Variants in CADM2 observed in about 807,000 individuals in gnomAD.
CADM2 encodes the protein cell adhesion molecule 2, also known as immunoglobulin superfamily member 4D.
Under a neutral mutation model 49.8 loss-of-function variants are expected in CADM2, and 12 were observed. The ratio of observed to expected loss-of-function variants is 0.24; its 90% CI spans 0.15 to 0.39. The LOEUF is 0.39. CADM2 is among the 10% of genes least tolerant of loss of function. CADM2 has a pLI of 1.00. For synonymous variants in CADM2, 214 were observed against 175.4 expected, an observed-to-expected ratio of 1.22 and a Z score of -1.74; for missense variants, 378 against 492.3, an observed-to-expected ratio of 0.77 and a Z score of 2.20.
chr3:85,645,531 G>C (rs1309164922), intron 1 of CADM2, among the ~76,000 whole-genome samples: 1 of 151,890 alleles, frequency 6.6e-6, no homozygotes. Context: ...AGGTGGTTAT[G>C]CTAGAACTAT....
intron 1 of CADM2, among the ~76,000 whole-genome samples, chr3:85,589,810 A>AG (rs1309085962): frequency 2.6e-5 from 4 of 152,058 alleles, no homozygotes; most frequent in African/African-American, 9.7e-5. Context: ...ATTTATAAAA[A>AG]GAACAGTGAT....
At chr3:85,232,840 C>T (rs1204700141) in intron 1 of CADM2, among the ~76,000 whole-genome samples, 1 of 152,082 alleles carries the variant, frequency 6.6e-6, no homozygotes, top group African/African-American at 2.4e-5. Flanking sequence ...TTGATTGTGT[C>T]TTACAAATCT....
At chr3:85,225,648 A>G (rs573425731) in intron 1 of CADM2, among the ~76,000 whole-genome samples, 2 of 152,242 alleles carry the variant, frequency 1.3e-5, no homozygotes, top group East Asian at 3.9e-4. Flanking sequence ...TTCAATAGGA[A>G]TGGTGAGAGA....
At chr3:85,778,338 A>T (rs1426203607) in intron 2 of CADM2, among the ~76,000 whole-genome samples, 1 of 152,090 alleles carries the variant, frequency 6.6e-6, no homozygotes. Context: ...AATTATTCTG[A>T]ATATAACTTA....
intron 1 of CADM2, among the ~76,000 whole-genome samples, chr3:85,676,840 C>T (rs1217122090): frequency 6.6e-6 from 1 of 152,174 alleles, no homozygotes; most frequent in Non-Finnish European, 1.5e-5. Context: ...ACACCACCAT[C>T]GCCTCAACAC....
intron 1 of CADM2, among the ~76,000 whole-genome samples, chr3:85,441,408 G>T (rs894062672): frequency 2.6e-5 from 4 of 151,924 alleles, no homozygotes; most frequent in African/African-American, 9.7e-5. Context: ...CTAGATTGAT[G>T]CTGGTAGTCG....
chr3:85,625,747 A>C (rs1167249364), intron 1 of CADM2, among the ~76,000 whole-genome samples: 1 of 152,020 alleles, frequency 6.6e-6, no homozygotes, highest in African/African-American at 2.4e-5. Context: ...GCTAGGGTAT[A>C]GAGGCTGTAT....
intron 2 of CADM2, among the ~76,000 whole-genome samples, chr3:85,735,601 T>G (rs1194993282): frequency 6.6e-6 from 1 of 152,110 alleles, no homozygotes; most frequent in Non-Finnish European, 1.5e-5. Flanking sequence ...TGAGAGTTGT[T>G]TGGATGCTTT....
chr3:85,820,328 G>A (rs2073477020), intron 3 of CADM2, among the ~76,000 whole-genome samples: 1 of 152,130 alleles, frequency 6.6e-6, no homozygotes, highest in African/African-American at 2.4e-5. Flanking sequence ...TAACACTCAG[G>A]CTGTTATCAG....
At chr3:85,656,848 A>G (rs1200315630) in intron 1 of CADM2, among the ~76,000 whole-genome samples, 2 of 152,126 alleles carry the variant, frequency 1.3e-5, no homozygotes, top group Admixed American at 6.5e-5. Flanking sequence ...ATGAATCCCC[A>G]TTGCCTAATA....
chr3:85,115,110 T>A (rs939101677), intron 1 of CADM2, among the ~76,000 whole-genome samples: 1 of 152,192 alleles, frequency 6.6e-6, no homozygotes, highest in African/African-American at 2.4e-5. Context: ...TAATAGCCAA[T>A]TTACTTCTTA....
At chr3:85,316,629 T>G (rs2044471543) in intron 1 of CADM2, among the ~76,000 whole-genome samples, 1 of 152,158 alleles carries the variant, frequency 6.6e-6, no homozygotes, top group Non-Finnish European at 1.5e-5. Context: ...ATAAAGTATA[T>G]TTCCTTGTAA....
At chr3:85,567,077 C>T (rs761214470) in intron 1 of CADM2, among the ~76,000 whole-genome samples, 9 of 152,194 alleles carry the variant, frequency 5.9e-5, no homozygotes, top group South Asian at 2.1e-4. Flanking sequence ...TCATATTCCT[C>T]CTCTGAGCTT....
chr3:85,499,258 C>A (rs1251403225), intron 1 of CADM2, among the ~76,000 whole-genome samples: 1 of 151,988 alleles, frequency 6.6e-6, no homozygotes, highest in African/African-American at 2.4e-5. Flanking sequence ...CACAGGAAAT[C>A]TGAATTTTTC....
chr3:85,433,161 G>A (rs2036764940), intron 1 of CADM2, among the ~76,000 whole-genome samples: 1 of 151,602 alleles, frequency 6.6e-6, no homozygotes, highest in African/African-American at 2.4e-5. Context: ...TAAAAAGCAG[G>A]ATTTTTAAAG....
At chr3:85,439,893 A>G (rs1386087679) in intron 1 of CADM2, among the ~76,000 whole-genome samples, 1 of 152,216 alleles carries the variant, frequency 6.6e-6, no homozygotes, top group Non-Finnish European at 1.5e-5. Context: ...CTACCTGTAT[A>G]ATGTAAAAGC....
At chr3:85,923,045 G>T (rs1206584787) in intron 6 of CADM2, among the ~76,000 whole-genome samples, 1 of 151,872 alleles carries the variant, frequency 6.6e-6, no homozygotes, top group African/African-American at 2.4e-5. Context: ...GGATGGTCTT[G>T]ATCTCCTGAC....
intron 1 of CADM2, among the ~76,000 whole-genome samples, chr3:85,623,801 A>G (rs1409439711): frequency 6.6e-6 from 1 of 152,158 alleles, no homozygotes; most frequent in East Asian, 1.9e-4. Flanking sequence ...TTTCAAGAAT[A>G]TTTTATTTTA....
At chr3:85,955,664 G>A (rs1723965361) in intron 7 of CADM2, among the ~76,000 whole-genome samples, 1 of 151,400 alleles carries the variant, frequency 6.6e-6, no homozygotes, top group Non-Finnish European at 1.5e-5. Context: ...TAGTAATCAG[G>A]TTTGTATCTG....
Sources: gnomAD v4.1 joint callset for allele counts (sites outside exome capture counted in the v4.1 genomes callset) on GRCh38, gnomAD v4.1.1 for gene constraint, MANE v1.5 for transcripts, NCBI Gene and HGNC (gene_info 2026-07-23, HGNC 2026-07-21) for gene names.